Variants in TTBK2 observed in about 807,000 individuals in gnomAD.
The protein encoded by TTBK2 is tau-tubulin kinase 2.
Under a neutral mutation model 110.8 loss-of-function variants are expected in TTBK2, and 28 were observed. That is an observed-to-expected ratio of 0.25 (90% CI 0.19 to 0.35). TTBK2 has a LOEUF of 0.35. TTBK2 is among the 10% of genes least tolerant of loss of function. The probability of loss-of-function intolerance (pLI) is 1.00; values close to 1 mark genes in which losing one functional copy is unlikely to be tolerated. For synonymous variants in TTBK2, 532 were observed against 527.3 expected, an observed-to-expected ratio of 1.01 and a Z score of -0.12; for missense variants, 1,369 against 1,500.3, an observed-to-expected ratio of 0.91 and a Z score of 1.45.
rs754283212 is a variant in TTBK2, at chr15:42,775,356, G to A, written c.1777C>T (p.Pro593Ser). The change falls in exon 13 of 15, where the codon CCT (proline) becomes TCT (serine). Residue 593 changes from proline (P) to serine (S), a missense_variant. By Grantham distance (74) the Pro-to-Ser change is moderately conservative. This residue lies in a region of TTBK2 where 1,097 missense variants were observed against 1,114.7 expected (regional missense o/e 0.98). Coordinates refer to ENST00000267890, the MANE Select transcript of TTBK2 (RefSeq NM_173500.4). ...CCTAACTGGAGCTTTTCATCTTGAG[G>A]TGATGCCTCCAGGACTTGAAGTACT... ...PEVLQVLEAS[P>S]QDEKLQLGPW... The A allele has an allele frequency of 6.2e-7, 1 of 1,614,190 alleles. No homozygotes were observed. Among genetic ancestry groups the A allele is most frequent in the South Asian group, 1.1e-5 (1 of 91,092 alleles).
intron 11 of TTBK2, 47 bp from the exon 12 acceptor site, chr15:42,777,289 C>T (rs1889973207): frequency 6.4e-7 from 1 of 1,563,758 alleles, no homozygotes; most frequent in Non-Finnish European, 8.8e-7. Context: ...CTAGGCAACA[C>T]ACATGAGAGG....
At chr15:42,758,333 G>C (rs1308795405) in intron 13 of TTBK2, among the ~76,000 whole-genome samples, 1 of 152,070 alleles carries the variant, frequency 6.6e-6, no homozygotes, top group Non-Finnish European at 1.5e-5. Context: ...TTTGTCTAAA[G>C]CAGCTTTATA....
intron 1 of TTBK2, among the ~76,000 whole-genome samples, chr15:42,881,113 C>T (rs1337468649): frequency 6.6e-6 from 1 of 151,450 alleles, no homozygotes; most frequent in African/African-American, 2.4e-5. Flanking sequence ...AAGACCCTGT[C>T]TCTACTAAAA....
At chr15:42,823,089 G>A (rs1892376941) in intron 6 of TTBK2, among the ~76,000 whole-genome samples, 1 of 152,094 alleles carries the variant, frequency 6.6e-6, no homozygotes, top group Non-Finnish European at 1.5e-5. Context: ...AATACTAACA[G>A]AGAAAAAAGA....
intron 9 of TTBK2, among the ~76,000 whole-genome samples, chr15:42,795,257 AT>A (rs60181944): frequency 0.22 from 30,779 of 139,662 alleles, 4,397 homozygotes; most frequent in African/African-American, 0.42. Context: ...GCTTTCCTTC[AT>A]TTTTTTTTTT....
rs188254643 is a variant in TTBK2, at chr15:42,864,901, T to C, written c.217+7710A>G. ...TAGCAACAATGTACTTAATTATGTA[T>C]GCTTATGTATATATTTTGTGCATAT... On this transcript the variant is annotated intron_variant, in intron 3 of 14. Coordinates refer to ENST00000267890, the MANE Select transcript of TTBK2 (RefSeq NM_173500.4). Among the ~76,000 whole-genome samples, 159 of 152,348 alleles carry C rather than the reference T, an allele frequency of 1.0e-3. 1 individual carries two copies. Among genetic ancestry groups the C allele is most frequent in the African/African-American group, 3.8e-3 (156 of 41,580 alleles).
intron 9 of TTBK2, among the ~76,000 whole-genome samples, chr15:42,798,698 T>C (rs1891050161): frequency 6.6e-6 from 1 of 152,226 alleles, no homozygotes; most frequent in East Asian, 1.9e-4. Context: ...GTAAGGCTAT[T>C]CCCAGACTTC....
At chr15:42,842,047 G>A (rs1489645645) in intron 3 of TTBK2, among the ~76,000 whole-genome samples, 3 of 152,010 alleles carry the variant, frequency 2.0e-5, no homozygotes, top group African/African-American at 7.3e-5. Flanking sequence ...CACATAATTT[G>A]GAAAATGAAA....
chr15:42,771,016 C>G (rs1173742485), intron 13 of TTBK2, among the ~76,000 whole-genome samples: 1 of 151,538 alleles, frequency 6.6e-6, no homozygotes, highest in Non-Finnish European at 1.5e-5. Context: ...CTCTGTCGCC[C>G]AGGCTGGAGT....
intron 1 of TTBK2, among the ~76,000 whole-genome samples, chr15:42,902,975 A>G (rs2030145731): frequency 6.8e-6 from 1 of 147,620 alleles, no homozygotes; most frequent in Non-Finnish European, 1.5e-5. Flanking sequence ...ACAGAGTGAC[A>G]CTCTGTTTCT....
chr15:42,781,062 C>T (rs1454097864), intron 11 of TTBK2, among the ~76,000 whole-genome samples: 9 of 152,196 alleles, frequency 5.9e-5, no homozygotes, highest in Admixed American at 3.3e-4. Flanking sequence ...TTATACTCCA[C>T]TTAACAACAG....
At chr15:42,781,340 C>G (rs1381240309) in intron 11 of TTBK2, among the ~76,000 whole-genome samples, 2 of 152,060 alleles carry the variant, frequency 1.3e-5, no homozygotes, top group Admixed American at 1.3e-4. Flanking sequence ...ATATTCAGAA[C>G]AGAATGAGAA....
chr15:42,838,353 GGTGTGTGTGT>G (rs376921873), intron 4 of TTBK2, among the ~76,000 whole-genome samples: 4 of 147,944 alleles, frequency 2.7e-5, no homozygotes, highest in African/African-American at 4.9e-5. Flanking sequence ...TATAATTCAG[GGTGTGTGTGT>G]GTGTGTGTGT....
intron 10 of TTBK2, among the ~76,000 whole-genome samples, chr15:42,788,295 T>A (rs1398846123): frequency 6.6e-6 from 1 of 152,200 alleles, no homozygotes; most frequent in Non-Finnish European, 1.5e-5. Context: ...ACTTACATGT[T>A]TGTTTGTGAC....
chr15:42,886,244 T>C (rs1895242289), intron 1 of TTBK2, among the ~76,000 whole-genome samples: 1 of 152,016 alleles, frequency 6.6e-6, no homozygotes, highest in Non-Finnish European at 1.5e-5. Flanking sequence ...CAGCTTCTGC[T>C]CTCCCACCCT....
At chr15:42,762,391 A>G (rs547547367) in intron 13 of TTBK2, among the ~76,000 whole-genome samples, 1 of 152,298 alleles carries the variant, frequency 6.6e-6, no homozygotes, top group South Asian at 2.1e-4. Flanking sequence ...GAATCAACCC[A>G]AGTGTACAAC....
chr15:42,855,152 C>T (rs1229981781), intron 3 of TTBK2: 1 of 152,162 alleles, frequency 6.6e-6, no homozygotes, highest in Non-Finnish European at 1.5e-5. Context: ...TCTCGGCTCA[C>T]AGCAACCTCA....
chr15:42,862,491 G>A (rs968583525), intron 3 of TTBK2, among the ~76,000 whole-genome samples: 1 of 152,054 alleles, frequency 6.6e-6, no homozygotes, highest in Non-Finnish European at 1.5e-5. Context: ...AAACCATATA[G>A]TCATCTCAAT....
intron 3 of TTBK2, among the ~76,000 whole-genome samples, chr15:42,851,440 G>A (rs1231482013): frequency 2.0e-5 from 3 of 152,004 alleles, no homozygotes; most frequent in African/African-American, 7.2e-5. Context: ...TCTACTAAAG[G>A]CTGGGGAGTG....
Sources: gnomAD v4.1 joint callset for allele counts (sites outside exome capture counted in the v4.1 genomes callset) on GRCh38, gnomAD v4.1.1 for gene constraint, gnomAD v4.1.1 regional missense constraint, MANE v1.5 for transcripts, NCBI Gene and HGNC (gene_info 2026-07-23, HGNC 2026-07-21) for gene names.